The following STK3 variants were observed in gnomAD, a reference collection of about 807,000 sequenced individuals.
STK3 encodes serine/threonine-protein kinase 3.
STK3 carries 41 observed loss-of-function variants against 58.0 expected under a neutral mutation model. That is an observed-to-expected ratio of 0.71 (90% confidence interval 0.55 to 0.92). The LOEUF (loss-of-function observed/expected upper bound fraction) is 0.92. STK3 is among the 40% of genes least tolerant of loss of function. STK3 has a pLI of 0.00. For missense variants in STK3, 479 were observed against 602.7 expected (o/e 0.79, Z 2.15); for synonymous variants, 170 against 191.0 (o/e 0.89, Z 0.91).
chr8:98,712,022 C>T (rs573224367), intron 4 of STK3, among the ~76,000 whole-genome samples: 1 of 152,162 alleles, frequency 6.6e-6, no homozygotes, highest in South Asian at 2.1e-4. Context: ...AATTTCATAT[C>T]CAGCCAAACT....
chr8:98,718,712 TTAA>T (rs538579486), intron 4 of STK3, among the ~76,000 whole-genome samples: 335 of 152,226 alleles, frequency 2.2e-3, no homozygotes, highest in Middle Eastern at 0.017. Context: ...TATTAATATA[TTAA>T]TGTTGAACAT....
Position 98,669,581 on chromosome 8 carries a change from G to A in STK3, c.684+36886C>T, listed in dbSNP as rs530396495. ...AGCAGTCTTCCAAAAATTCAAAGTGGAATTTTTAGAGAAACTACATGTTCT... is the reference window on the plus strand; with the variant it reads ...AGCAGTCTTCCAAAAATTCAAAGTGAAATTTTTAGAGAAACTACATGTTCT... On this transcript the variant is annotated intron_variant, in intron 6 of 10. Transcript: ENST00000419617. Among the ~76,000 whole-genome samples, 7 of 152,234 alleles carry A rather than the reference G, an allele frequency of 4.6e-5. No individual in the cohort carries two copies. The South Asian group carries it at 1.5e-3, about 32-fold the overall frequency.
At chr8:98,536,015 C>G (rs1443008165) in intron 9 of STK3, among the ~76,000 whole-genome samples, 1 of 152,084 alleles carries the variant, frequency 6.6e-6, no homozygotes, top group Non-Finnish European at 1.5e-5. Flanking sequence ...CAGACTACTC[C>G]TTGGTGTTGA....
intron 9 of STK3, among the ~76,000 whole-genome samples, chr8:98,529,840 A>G (rs752640483): frequency 6.6e-5 from 10 of 152,210 alleles, no homozygotes; most frequent in Non-Finnish European, 1.0e-4. Flanking sequence ...TAGAGACAGA[A>G]AACAGAATGG....
intron 1 of STK3, among the ~76,000 whole-genome samples, chr8:98,446,490 G>A (rs1818954994): frequency 6.6e-6 from 1 of 152,088 alleles, no homozygotes; most frequent in African/African-American, 2.4e-5. Context: ...ACCCTCTGAG[G>A]TTGTCTCTGC....
chr8:98,664,643 A>G (rs893426320), intron 6 of STK3, among the ~76,000 whole-genome samples: 1 of 152,222 alleles, frequency 6.6e-6, no homozygotes, highest in African/African-American at 2.4e-5. Flanking sequence ...AGGGTACTTT[A>G]TATTACTATG....
the STK3 span, among the ~76,000 whole-genome samples, chr8:98,366,119 T>C: frequency 6.6e-6 from 1 of 152,254 alleles, no homozygotes; most frequent in East Asian, 1.9e-4. Flanking sequence ...GCTGAATTCC[T>C]GTTTCCCTAT....
intron 6 of STK3, among the ~76,000 whole-genome samples, chr8:98,646,015 C>T (rs1185139793): frequency 6.6e-6 from 1 of 152,108 alleles, no homozygotes; most frequent in Non-Finnish European, 1.5e-5. Flanking sequence ...GAAAATTGCA[C>T]CTTTCTGAAC....
intron 4 of STK3, among the ~76,000 whole-genome samples, chr8:98,741,182 T>C (rs1210288142): frequency 1.3e-5 from 2 of 152,186 alleles, no homozygotes; most frequent in African/African-American, 4.8e-5. Context: ...ATTAGACAGA[T>C]CAACCAGACA....
chr8:98,623,718 C>T (rs1056190071), intron 6 of STK3, among the ~76,000 whole-genome samples: 6 of 152,112 alleles, frequency 3.9e-5, no homozygotes, highest in African/African-American at 4.8e-5. Context: ...CAGGAGGTCG[C>T]GGCTGCAGTG....
intron 10 of STK3, among the ~76,000 whole-genome samples, chr8:98,456,316 C>T (rs1819487589): frequency 6.6e-6 from 1 of 152,196 alleles, no homozygotes; most frequent in Non-Finnish European, 1.5e-5. Flanking sequence ...CCACTGCCAA[C>T]AAACAGATTT....
chr8:98,762,658 T>G (rs979659463), intron 3 of STK3, among the ~76,000 whole-genome samples: 1 of 152,242 alleles, frequency 6.6e-6, no homozygotes, highest in Non-Finnish European at 1.5e-5. Flanking sequence ...AGGGGATAAG[T>G]GTGTGCCCTG....
intron 4 of STK3, among the ~76,000 whole-genome samples, chr8:98,741,451 C>A (rs554383476): frequency 6.5e-4 from 99 of 152,272 alleles, no homozygotes; most frequent in African/African-American, 2.2e-3. Flanking sequence ...TCACTCAAAA[C>A]CACTCAACTA....
At chr8:98,497,944 GA>G (rs905168330) in intron 10 of STK3, among the ~76,000 whole-genome samples, 114 of 152,184 alleles carry the variant, frequency 7.5e-4, no homozygotes, top group African/African-American at 2.6e-3. Context: ...GTATACTCAA[GA>G]AAAAGGAAAA....
At chr8:98,873,015 T>C (rs1358170368) in intron 3 of STK3, among the ~76,000 whole-genome samples, 1 of 152,218 alleles carries the variant, frequency 6.6e-6, no homozygotes, top group East Asian at 1.9e-4. Flanking sequence ...TTTAAATGTG[T>C]CCCAGAGATT....
intron 3 of STK3, among the ~76,000 whole-genome samples, chr8:98,763,326 G>A (rs1000977372): frequency 3.3e-5 from 5 of 152,136 alleles, no homozygotes; most frequent in Admixed American, 1.3e-4. Flanking sequence ...GGCTCCCTGA[G>A]ATATTTATGC....
chr8:98,903,078 A>T (rs1014944057), intron 1 of STK3, among the ~76,000 whole-genome samples: 3 of 152,144 alleles, frequency 2.0e-5, no homozygotes, highest in Admixed American at 2.0e-4. Flanking sequence ...CTGCATCTCC[A>T]TCTTTCAGTG....
intron 10 of STK3, among the ~76,000 whole-genome samples, chr8:98,482,534 A>G (rs1243757488): frequency 6.6e-6 from 1 of 152,176 alleles, no homozygotes; most frequent in South Asian, 2.1e-4. Flanking sequence ...TTTGTCCCCT[A>G]TGAGATGACC....
intron 3 of STK3, among the ~76,000 whole-genome samples, chr8:98,755,583 C>T (rs1830238593): frequency 6.6e-6 from 1 of 152,164 alleles, no homozygotes; most frequent in Non-Finnish European, 1.5e-5. Flanking sequence ...GTCCTTTCTC[C>T]ACTGAACTGC....
Sources: allele counts gnomAD v4.1 joint callset (sites outside exome capture counted in the v4.1 genomes callset), GRCh38; gene constraint gnomAD v4.1.1; transcripts MANE v1.5; gene names NCBI Gene and HGNC (gene_info 2026-07-23, HGNC 2026-07-21).